Variants in PTBP3 observed in about 807,000 individuals in gnomAD.
PTBP3 encodes the protein polypyrimidine tract binding protein 3.
Under a neutral mutation model 58.7 loss-of-function variants are expected in PTBP3, and 20 were observed. That is an observed-to-expected ratio of 0.34 (90% CI 0.24 to 0.50). PTBP3 has a LOEUF of 0.50. Ranked by LOEUF, PTBP3 falls within the 20% of genes least tolerant of loss-of-function variation. The pLI, the probability that PTBP3 is intolerant of heterozygous loss-of-function variation, is 0.98. For missense variants in PTBP3, 509 were observed against 637.2 expected (o/e 0.80, Z 2.17); for synonymous variants, 185 against 219.8 (o/e 0.84, Z 1.40).
rs552294573 is a variant in PTBP3, at chr9:112,300,224, AGGATC to A, written c.-51-2313_-51-2309del. The stretch of plus-strand genomic sequence containing the variant: ...TTAAAGTCAAATATATGAATATCCT[AGGATC>A]CTTACATAGTCTACTCCGATGCATA... On this transcript the variant is annotated intron_variant, in intron 1 of 13. Transcript: ENST00000374257. Among the ~76,000 whole-genome samples the A allele has an allele frequency of 6.3e-3, 966 of 152,312 alleles. 10 individuals are homozygous for A. Among genetic ancestry groups the A allele is most frequent in the Non-Finnish European group, 9.2e-3 (625 of 68,026 alleles).
intron 7 of PTBP3, among the ~76,000 whole-genome samples, chr9:112,236,081 A>G (rs1367857380): frequency 6.6e-6 from 1 of 152,144 alleles, no homozygotes; most frequent in Non-Finnish European, 1.5e-5. Flanking sequence ...ATTTATAGGC[A>G]CAAGTATGTA....
the PTBP3 span, among the ~76,000 whole-genome samples, chr9:112,372,899 CTTTT>C: frequency 7.3e-6 from 1 of 136,924 alleles, no homozygotes; most frequent in Admixed American, 7.3e-5. Flanking sequence ...CATAGGCTTT[CTTTT>C]TTTTTTTTTT....
At chr9:112,284,895 T>C (rs751011894) in intron 2 of PTBP3, among the ~76,000 whole-genome samples, 1 of 152,168 alleles carries the variant, frequency 6.6e-6, no homozygotes, top group Non-Finnish European at 1.5e-5. Context: ...TTTGATTTTA[T>C]AGGCTCATAG....
chr9:112,297,697 T>G (rs1185976799), intron 2 of PTBP3, 135 bp downstream of exon 2: 5 of 619,020 alleles, frequency 8.1e-6, no homozygotes, highest in Non-Finnish European at 1.3e-5. Flanking sequence ...CAGTATATAG[T>G]ACTTTACCGA....
chr9:112,379,678 G>C, the PTBP3 span, among the ~76,000 whole-genome samples: 1 of 152,312 alleles, frequency 6.6e-6, no homozygotes, highest in South Asian at 2.1e-4. Context: ...GCCAGGCTCG[G>C]GCGTAGGGGC....
At chr9:112,282,148 T>A (rs1265164356) in intron 2 of PTBP3, among the ~76,000 whole-genome samples, 2 of 152,174 alleles carry the variant, frequency 1.3e-5, no homozygotes, top group Admixed American at 6.5e-5. Flanking sequence ...CTAAATACCA[T>A]CACATAGCGA....
Position 112,287,862 on chromosome 9 carries a change from G to A in PTBP3, c.34+9970C>T, listed in dbSNP as rs187258069. On this transcript the variant is annotated intron_variant, in intron 2 of 13. Coordinates refer to ENST00000374257, the MANE Select transcript of PTBP3 (RefSeq NM_001163788.4). Reference sequence around the variant, plus strand: ...TTTAGTAACTGTTTCAAAGTGCACAGCTGATAATTCCATCATCTCTGTAAT... The same window carrying A: ...TTTAGTAACTGTTTCAAAGTGCACAACTGATAATTCCATCATCTCTGTAAT... 2.0e-4 allele frequency among the ~76,000 whole-genome samples: 31 copies of A among 152,122 alleles called. No homozygotes were observed. In the East Asian group the frequency reaches 4.8e-3, roughly 24 times the overall value.
intron 1 of PTBP3, among the ~76,000 whole-genome samples, chr9:112,307,190 C>T (rs1341753410): frequency 2.0e-5 from 3 of 152,126 alleles, no homozygotes; most frequent in South Asian, 2.1e-4. Context: ...CGGTGGCTCA[C>T]GCCTGTAATC....
intron 1 of PTBP3, among the ~76,000 whole-genome samples, chr9:112,332,256 C>A (rs1372045319): frequency 6.6e-6 from 1 of 152,128 alleles, no homozygotes; most frequent in Non-Finnish European, 1.5e-5. Flanking sequence ...TCTAAAACTC[C>A]ACTTTGATGT....
At position 112,220,574 on chromosome 9, in the gene PTBP3, T is replaced by C. The variant is rs1834773226; in HGVS notation, c.*3277A>G. 5.0e-6 allele frequency: 5 copies of C among 1,003,936 alleles called. No homozygotes were observed. Among genetic ancestry groups the C allele is most frequent in the Non-Finnish European group, 5.9e-6 (5 of 840,782 alleles). 62.2% of individuals were successfully genotyped at this position (1,003,936 alleles called of 1,614,324 possible). A position where few individuals can be genotyped will look rare whatever the true frequency, so the allele number is the denominator to read the frequency against. On this transcript the variant is annotated 3_prime_UTR_variant, in exon 14 of 14. Coordinates refer to ENST00000374257, the MANE Select transcript of PTBP3 (RefSeq NM_001163788.4). ...ACTTTTAACAGTAAATCAGAAACAT[T>C]ACTTCAAATAATTGATTTCAATATT...
At chr9:112,299,945 G>C (rs571392352) in intron 1 of PTBP3, among the ~76,000 whole-genome samples, 4 of 152,228 alleles carry the variant, frequency 2.6e-5, no homozygotes, top group South Asian at 4.2e-4. Flanking sequence ...AAGTGAACAA[G>C]AAATAAATGT....
At chr9:112,296,449 A>G (rs1210599150) in intron 2 of PTBP3, among the ~76,000 whole-genome samples, 2 of 152,094 alleles carry the variant, frequency 1.3e-5, no homozygotes, top group Non-Finnish European at 2.9e-5. Context: ...TTCTGTCTCT[A>G]TACTTGTTCA....
At chr9:112,340,958 T>C in the PTBP3 span, among the ~76,000 whole-genome samples, 28 of 152,236 alleles carry the variant, frequency 1.8e-4, no homozygotes, top group African/African-American at 6.3e-4. Context: ...GATAAAGAAG[T>C]ATTTTGTCTA....
At chr9:112,372,624 C>T in the PTBP3 span, among the ~76,000 whole-genome samples, 2 of 152,232 alleles carry the variant, frequency 1.3e-5, no homozygotes, top group South Asian at 4.1e-4. Flanking sequence ...TACAGATTTA[C>T]CTATTATGGA....
intron 4 of PTBP3, among the ~76,000 whole-genome samples, chr9:112,266,084 G>C (rs2132147781): frequency 6.6e-6 from 1 of 152,282 alleles, no homozygotes; most frequent in Non-Finnish European, 1.5e-5. Context: ...TAGAATGGTA[G>C]TTGCCAGAGG....
the PTBP3 span, among the ~76,000 whole-genome samples, chr9:112,344,124 CT>C: frequency 4.7e-3 from 718 of 152,088 alleles, 6 homozygotes; most frequent in African/African-American, 0.017. Context: ...ATTTATCAAT[CT>C]TTTTTTATTT....
chr9:112,328,669 T>C (rs1587899428), intron 1 of PTBP3, among the ~76,000 whole-genome samples: 1 of 151,966 alleles, frequency 6.6e-6, no homozygotes, highest in Admixed American at 6.6e-5. Context: ...CGCTTGTAGA[T>C]TTACTAGCTA....
the PTBP3 span, among the ~76,000 whole-genome samples, chr9:112,367,226 AC>A: frequency 6.6e-6 from 1 of 152,238 alleles, no homozygotes; most frequent in Non-Finnish European, 1.5e-5. Context: ...AAAACTTTAG[AC>A]TACAGTTAAA....
intron 2 of PTBP3, among the ~76,000 whole-genome samples, chr9:112,284,103 A>C (rs1827998446): frequency 7.3e-6 from 1 of 137,526 alleles, no homozygotes; most frequent in Non-Finnish European, 1.5e-5. Flanking sequence ...CAGAAGGGAA[A>C]TGTGGGGTTG....
Sources: allele counts gnomAD v4.1 joint callset (sites outside exome capture counted in the v4.1 genomes callset), GRCh38; gene constraint gnomAD v4.1.1; transcripts MANE v1.5; gene names NCBI Gene and HGNC (gene_info 2026-07-23, HGNC 2026-07-21).